Variants in RNPEPL1 observed in about 807,000 individuals in gnomAD.
RNPEPL1 encodes aminopeptidase RNPEPL1.
Under a neutral mutation model 69.0 loss-of-function variants are expected in RNPEPL1, and 46 were observed. The observed-to-expected ratio is 0.67, with a 90% CI of 0.53 to 0.85. The LOEUF is 0.85. Ranked by LOEUF, RNPEPL1 falls within the 40% of genes least tolerant of loss-of-function variation. RNPEPL1 has a pLI of 0.00. For missense variants in RNPEPL1, 869 were observed against 992.5 expected (o/e 0.88, Z 1.67); for synonymous variants, 525 against 454.1 (o/e 1.16, Z -1.98).
Position 240,574,256 on chromosome 2 carries a change from G to A in RNPEPL1, c.1082G>A (p.Gly361Asp). 1 of 1,612,690 alleles carries A rather than the reference G, an allele frequency of 6.2e-7. No individual in the cohort carries two copies. The highest frequency in any genetic ancestry group is 8.5e-7 in the Non-Finnish European group (1 of 1,179,952). The part of the protein sequence containing the change: ...VIHEVAHSWF[G>D]NAVTNATWEE... ...CACGAGGTGGCCCACAGTTGGTTCG[G>A]CAACGCTGTCACCAACGCCACGTGG... The change falls in exon 5 of 11, where the codon GGC becomes GAC. Residue 361 changes from glycine to aspartate, a missense_variant. Gly to Asp is a moderately conservative substitution (Grantham distance 94). Transcript: ENST00000270357.
chr2:240,577,828 T>C lies in RNPEPL1; in HGVS notation c.2114T>C (p.Leu705Pro). The C allele has an allele frequency of 1.3e-6, 2 of 1,597,962 alleles. No homozygotes were observed. The highest frequency in any genetic ancestry group is 2.2e-5 in the South Asian group (2 of 90,570). The change falls in exon 11 of 11, where the codon CTG (leucine) becomes CCG (proline). Residue 705 changes from leucine to proline, a missense_variant. By Grantham distance (98) the Leu-to-Pro change is moderately conservative. Around this residue, in one of 2 missense-constraint regions of RNPEPL1, gnomAD observed 610 missense variants for 790.9 expected, o/e 0.77. Coordinates refer to ENST00000270357, the MANE Select transcript of RNPEPL1 (RefSeq NM_018226.6). ...GACACAGACTCGGACGCACAGGCCC[T>C]GCTGCTTGGGGACGAGGCCCCCAGC... The part of the protein sequence containing the change: ...EADTDSDAQA[L>P]LLGDEAPSSA...
In RNPEPL1 at chr2:240,574,249, T is replaced by A. The variant is rs1371167180; in HGVS notation, c.1075T>A (p.Trp359Arg). The change falls in exon 5 of 11, where the codon TGG becomes AGG. Residue 359 changes from tryptophan to arginine, a missense_variant. Transcript: ENST00000270357. ...TGTCATCCACGAGGTGGCCCACAGT[T>A]GGTTCGGCAACGCTGTCACCAACGC... is the stretch of plus-strand genomic sequence containing the variant. ...IDVIHEVAHS[W>R]FGNAVTNATW... 1 of 1,612,892 alleles carries A rather than the reference T, an allele frequency of 6.2e-7. No individual in the cohort carries two copies. The highest frequency in any genetic ancestry group is 2.2e-5 in the East Asian group (1 of 44,832).
rs1303422655 is a variant in RNPEPL1 at position 240,578,726 on chromosome 2, A to C, written c.*834A>C. ...GGTCCCATTAAACTTCCACTCTGCA[A>C]ACCTGATCTCCTGCGCTCTTTCTCG... On this transcript the variant is annotated 3_prime_UTR_variant, in exon 11 of 11. Transcript: ENST00000270357. The C allele has an allele frequency of 6.6e-6, 1 of 152,440 alleles. No homozygotes were observed. The highest frequency in any genetic ancestry group is 1.5e-5 in the Non-Finnish European group (1 of 68,158). 9.4% of individuals were successfully genotyped at this position (152,440 alleles called of 1,614,324 possible).
At position 240,572,536 on chromosome 2, in the gene RNPEPL1, G is replaced by C. The variant is rs1156805929; in HGVS notation, c.642G>C (p.Val214=). Residue 214 remains valine, a synonymous_variant, in exon 2 of 11, where the codon GTG becomes GTC. Transcript: ENST00000270357. ...TCCCGTGCTTCGACACACCTGCCGT[G>C]AAGTGCACCTACTCTGCCGTCGTCA... ...SFFPCFDTPA[V]KCTYSAVVKA... is the part of the protein sequence containing the mutation. The C allele has an allele frequency of 6.5e-7, 1 of 1,536,158 alleles. No individual in the cohort carries two copies. Among genetic ancestry groups the C allele is most frequent in the Non-Finnish European group, 8.7e-7 (1 of 1,146,878 alleles).
rs967512579 is a variant in RNPEPL1, at chr2:240,569,290, C to T, written c.528+176C>T. On this transcript the variant is annotated intron_variant, in intron 1 of 10. Transcript: ENST00000270357. ...GCCCTTAGGACCCTCGGATAGAAGCCGGAGTCCTGCGGGGACACGGGACAG... is the reference window on the plus strand; with the variant it reads ...GCCCTTAGGACCCTCGGATAGAAGCTGGAGTCCTGCGGGGACACGGGACAG... 9.1e-6 allele frequency: 6 copies of T among 657,914 alleles called. No homozygotes were observed. In the African/African-American group the frequency reaches 9.7e-5, roughly 11 times the overall value. 40.8% of individuals were successfully genotyped at this position (657,914 alleles called of 1,614,324 possible).
chr2:240,575,379 A>T, intron 7 of RNPEPL1, 123 bp from the exon 8 acceptor site: 1 of 889,754 alleles, frequency 1.1e-6, no homozygotes, highest in Non-Finnish European at 1.8e-6. Flanking sequence ...CGCAGTGCCC[A>T]CTAGCTGCCC....
At position 240,572,496 on chromosome 2, in the gene RNPEPL1, G is replaced by T; in HGVS notation, c.602G>T (p.Cys201Phe). The change falls in exon 2 of 11, where the codon TGC (cysteine) becomes TTC (phenylalanine). Residue 201 changes from cysteine to phenylalanine, a missense_variant. By Grantham distance (205) the Cys-to-Phe change is radical. This residue lies in a region of RNPEPL1 where 610 missense variants were observed against 790.9 expected (regional missense o/e 0.77). Transcript: ENST00000270357. ...PFVFTQGHSV[C>F]NRSFFPCFDT... Reference sequence around the variant, plus strand: ...GTCTTCACCCAGGGCCACTCCGTGTGCAACCGCTCCTTCTTCCCGTGCTTC... The same window carrying T: ...GTCTTCACCCAGGGCCACTCCGTGTTCAACCGCTCCTTCTTCCCGTGCTTC... 6.5e-7 allele frequency: 1 copy of T among 1,536,288 alleles called. No individual in the cohort carries two copies.
Position 240,573,195 on chromosome 2 carries a change from A to T in RNPEPL1, c.755A>T (p.His252Leu). The stretch of plus-strand genomic sequence containing the variant: ...GGCGTCTTCCACTTCCACATGGAGC[A>T]CCCCGTGCCCGCCTACCTCGTGGCC... ...EEGVFHFHMEHPVPAYLVALV... is the reference protein window; with the variant it reads ...EEGVFHFHMELPVPAYLVALV... Residue 252 changes from histidine to leucine, a missense_variant, in exon 3 of 11, where the codon CAC (histidine) becomes CTC (leucine). Transcript: ENST00000270357. 6.3e-7 allele frequency: 1 copy of T among 1,590,508 alleles called. No individual in the cohort carries two copies. The highest frequency in any genetic ancestry group is 8.6e-7 in the Non-Finnish European group (1 of 1,169,504).
rs1456890797 is a variant in RNPEPL1 at position 240,568,914 on chromosome 2, G to A, written c.328G>A (p.Gly110Arg). ...CTGCGCCTTCGCCTTCTCCGCCCCC[G>A]GGCCGGGGCCCGCGCCGCCGCCCCC... Reference protein sequence around the residue: ...TPCAFAFSAPGPGPAPPPPLP... With the variant: ...TPCAFAFSAPRPGPAPPPPLP... The change falls in exon 1 of 11, where the codon GGG (glycine) becomes AGG (arginine). Residue 110 changes from glycine to arginine, a missense_variant. Transcript: ENST00000270357. The surrounding 1 kb of genome is among the most constrained non-coding windows in gnomAD (Gnocchi z 6.2). 2 of 1,283,228 alleles carry A rather than the reference G, an allele frequency of 1.6e-6. No individual in the cohort carries two copies. The highest frequency in any genetic ancestry group is 3.3e-5 in the East Asian group (1 of 30,540). The allele number at this position is 1,283,228 out of a possible 1,614,324, so 79.5% of individuals were successfully genotyped here.
rs2093046660 is a variant in RNPEPL1, at chr2:240,579,184, T to C, written c.*1292T>C. ...TGCCGTGGCCCAGAAGCAGCACGTCTCTTCTCCCAACCCGCTGGCCAGGCC... is the reference window on the plus strand; with the variant it reads ...TGCCGTGGCCCAGAAGCAGCACGTCCCTTCTCCCAACCCGCTGGCCAGGCC... On this transcript the variant is annotated 3_prime_UTR_variant, in exon 11 of 11. Transcript: ENST00000270357. 1.3e-5 allele frequency: 2 copies of C among 152,184 alleles called. No homozygotes were observed. Among genetic ancestry groups the C allele is most frequent in the Non-Finnish European group, 2.9e-5 (2 of 68,058 alleles). 9.4% of individuals were successfully genotyped at this position (152,184 alleles called of 1,614,324 possible).
chr2:240,577,553 A>G, intron 10 of RNPEPL1, 46 bp from the exon 11 acceptor site: 1 of 1,503,464 alleles, frequency 6.7e-7, no homozygotes, highest in Non-Finnish European at 8.9e-7. Flanking sequence ...GGCTGGCTCG[A>G]GGGGCCTGGG....
In RNPEPL1 at chr2:240,576,917, G is replaced by A. The variant is rs770497600; in HGVS notation, c.1811G>A (p.Arg604His). The A allele has an allele frequency of 4.3e-6, 7 of 1,613,512 alleles. No homozygotes were observed. Among genetic ancestry groups the A allele is most frequent in the Admixed American group, 1.7e-5 (1 of 60,034 alleles). The change falls in exon 10 of 11, where the codon CGC becomes CAC. Residue 604 changes from arginine to histidine, a missense_variant. Physicochemically the swap from Arg to His is conservative, Grantham distance 29. Around this residue, in one of 2 missense-constraint regions of RNPEPL1, gnomAD observed 610 missense variants for 790.9 expected, o/e 0.77. Transcript: ENST00000270357. ...TCGATGAACGCTGAGATCCGCATCC[G>A]CTGGCTGCAGATTGTGGTCCGCAAC... ...LDSMNAEIRI[R>H]WLQIVVRNDY... is the part of the protein sequence containing the mutation.
At chr2:240,575,658 G>A (rs774777756) in intron 8 of RNPEPL1, 48 bp downstream of exon 8, 2 of 1,489,658 alleles carry the variant, frequency 1.3e-6, no homozygotes, top group Admixed American at 1.7e-5. Context: ...GGGTATGATG[G>A]CAGGCGGGGC....
At position 240,577,821 on chromosome 2, in the gene RNPEPL1, C is replaced by G. The variant is rs1419154853; in HGVS notation, c.2107C>G (p.Gln703Glu). Residue 703 changes from glutamine to glutamate, a missense_variant, in exon 11 of 11, where the codon CAG (glutamine) becomes GAG (glutamate). Physicochemically the swap from Gln to Glu is conservative, Grantham distance 29. Coordinates refer to ENST00000270357, the MANE Select transcript of RNPEPL1 (RefSeq NM_018226.6). Reference sequence around the variant, plus strand: ...TGAAGCAGACACAGACTCGGACGCACAGGCCCTGCTGCTTGGGGACGAGGC... The same window carrying G: ...TGAAGCAGACACAGACTCGGACGCAGAGGCCCTGCTGCTTGGGGACGAGGC... ...KAEADTDSDA[Q>E]ALLLGDEAPS... 4 of 1,603,614 alleles carry G rather than the reference C, an allele frequency of 2.5e-6. No homozygotes were observed. The highest frequency in any genetic ancestry group is 3.4e-6 in the Non-Finnish European group (4 of 1,173,004).
In RNPEPL1 at chr2:240,568,514, G is replaced by A. The variant is rs1010456069; in HGVS notation, c.-73G>A. 190 of 751,492 alleles carry A rather than the reference G, an allele frequency of 2.5e-4. No homozygotes were observed. Among genetic ancestry groups the A allele is most frequent in the Non-Finnish European group, 2.7e-4 (167 of 620,644 alleles). 46.6% of individuals were successfully genotyped at this position (751,492 alleles called of 1,614,324 possible). On this transcript the variant is annotated 5_prime_UTR_variant, in exon 1 of 11. Transcript: ENST00000270357. The surrounding 1 kb of genome is among the most constrained non-coding windows in gnomAD (Gnocchi z 6.2). ...CCTGTTGTGCCCGCGCCCCGCCGCC[G>A]CCGCCGCCCGGCGCCCCTCGCCCGC... is the stretch of plus-strand genomic sequence containing the variant.
chr2:240,569,038 T>C lies in RNPEPL1; in HGVS notation c.452T>C (p.Val151Ala). 1 of 1,511,262 alleles carries C rather than the reference T, an allele frequency of 6.6e-7. No individual in the cohort carries two copies. Among genetic ancestry groups the C allele is most frequent in the Non-Finnish European group, 8.8e-7 (1 of 1,137,274 alleles). The allele number at this position is 1,511,262 out of a possible 1,614,324, so 93.6% of individuals were successfully genotyped here. A position where few individuals can be genotyped will look rare whatever the true frequency, so the allele number is the denominator to read the frequency against. ...PFTDYGSSLT[V>A]TLPPELQAHQ... ...ACCGACTACGGCTCCTCGCTCACCG[T>C]CACGCTGCCGCCCGAGCTGCAGGCG... Residue 151 changes from valine to alanine, a missense_variant, in exon 1 of 11, where the codon GTC becomes GCC. Physicochemically the swap from Val to Ala is moderately conservative, Grantham distance 64 (BLOSUM62 0). Transcript: ENST00000270357.
rs1158526030 is a variant in RNPEPL1, at chr2:240,568,782, T to G, written c.196T>G (p.Cys66Gly). ...GGCCGGCTGCCTGGTGCTCGAGCTG[T>G]GCGCGCTGCGGCCCGCGCCCCGCGC... is the stretch of plus-strand genomic sequence containing the variant. ...ELAGCLVLEL[C>G]ALRPAPRALV... The change falls in exon 1 of 11, where the codon TGC (cysteine) becomes GGC (glycine). Residue 66 changes from cysteine to glycine, a missense_variant. Transcript: ENST00000270357. The surrounding 1 kb of genome is among the most constrained non-coding windows in gnomAD (Gnocchi z 6.2). 9.3e-7 allele frequency: 1 copy of G among 1,075,168 alleles called. No individual in the cohort carries two copies. The highest frequency in any genetic ancestry group is 1.7e-5 in the African/African-American group (1 of 57,778). The allele number at this position is 1,075,168 out of a possible 1,614,324, so 66.6% of individuals were successfully genotyped here.
rs781748145 is a variant in RNPEPL1, at chr2:240,573,147, G to A, written c.707G>A (p.Arg236Gln). ...GTGCAGGTGCTGATGAGTGCCACCC[G>A]GAGTGCATACATGGAGGAAGAAGGC... ...SGVQVLMSAT[R>Q]SAYMEEEGVF... is the part of the protein sequence containing the mutation. Residue 236 changes from arginine (R) to glutamine (Q), a missense_variant, in exon 3 of 11, where the codon CGG becomes CAG. This residue lies in a region of RNPEPL1 where 610 missense variants were observed against 790.9 expected (regional missense o/e 0.77). Coordinates refer to ENST00000270357, the MANE Select transcript of RNPEPL1 (RefSeq NM_018226.6). The A allele has an allele frequency of 1.9e-5, 31 of 1,610,242 alleles. No homozygotes were observed. The highest frequency in any genetic ancestry group is 1.7e-4 in the Middle Eastern group (1 of 6,048).
In RNPEPL1 at chr2:240,573,266, G is replaced by A. The variant is rs773622042; in HGVS notation, c.821+5G>A. On this transcript the variant is annotated splice_donor_5th_base_variant and intron_variant, in intron 3 of 10. Coordinates refer to ENST00000270357, the MANE Select transcript of RNPEPL1 (RefSeq NM_018226.6). ...GCCGGCAGACATCGGGCCCAGGTAG[G>A]GCCTCCTGCTGGGGCCTTCTGGGGC... is the stretch of plus-strand genomic sequence containing the variant. The A allele has an allele frequency of 1.5e-5, 23 of 1,556,662 alleles. No homozygotes were observed. Among genetic ancestry groups the A allele is most frequent in the African/African-American group, 2.7e-5 (2 of 73,528 alleles).
Sources: gnomAD v4.1 joint callset for allele counts on GRCh38, gnomAD v4.1.1 for gene constraint, gnomAD v4.1.1 regional missense constraint, Gnocchi (gnomAD v3.1) non-coding constraint, MANE v1.5 for transcripts, NCBI Gene and HGNC (gene_info 2026-07-23, HGNC 2026-07-21) for gene names.